Variants in GRID2 observed in about 807,000 individuals in gnomAD.
GRID2 encodes glutamate ionotropic receptor delta type subunit 2, also known as glutamate receptor ionotropic, delta-2.
A neutral mutation model predicts 114.8 loss-of-function variants in GRID2; 33 were observed. The ratio of observed to expected loss-of-function variants is 0.29; its 90% confidence interval spans 0.22 to 0.38. The LOEUF is 0.38. GRID2 is among the 10% of genes least tolerant of loss of function. The pLI is 1.00. For synonymous variants in GRID2, 505 were observed against 449.9 expected (o/e 1.12, Z -1.55); for missense variants, 1,184 against 1,257.7 (o/e 0.94, Z 0.89).
chr4:92,589,988 C>A, intron 1 of GRID2, 143 bp from the exon 2 acceptor site: 1 of 601,924 alleles, frequency 1.7e-6, no homozygotes, highest in South Asian at 2.2e-5. Flanking sequence ...GCTTCCAGTA[C>A]AATGTGTTTC....
chr4:92,719,010 G>T, intron 2 of GRID2, among the ~76,000 whole-genome samples: 1 of 149,514 alleles, frequency 6.7e-6, no homozygotes, highest in African/African-American at 2.5e-5. Context: ...TTTTTAAGAT[G>T]GAGTCTCGCT....
chr4:93,485,819 A>T (rs905193051), intron 11 of GRID2, among the ~76,000 whole-genome samples: 2 of 151,656 alleles, frequency 1.3e-5, no homozygotes, highest in Non-Finnish European at 3.0e-5. Flanking sequence ...TATCTTGGCA[A>T]TTTTTGTACT....
chr4:92,441,722 G>C (rs976215410), intron 1 of GRID2, among the ~76,000 whole-genome samples: 1 of 152,028 alleles, frequency 6.6e-6, no homozygotes, highest in South Asian at 2.1e-4. Flanking sequence ...GGCATTGAGT[G>C]GGGTAAGGGT....
chr4:93,567,739 T>C (rs939470282), intron 13 of GRID2, among the ~76,000 whole-genome samples: 6 of 152,166 alleles, frequency 3.9e-5, no homozygotes, highest in African/African-American at 1.4e-4. Flanking sequence ...CATTCTCCTC[T>C]TGAGACTTAG....
chr4:92,620,668 A>G (rs1730226369), intron 2 of GRID2, among the ~76,000 whole-genome samples: 2 of 151,782 alleles, frequency 1.3e-5, no homozygotes, highest in African/African-American at 2.4e-5. Flanking sequence ...TACTCCTTAC[A>G]TAACACTTTG....
intron 2 of GRID2, among the ~76,000 whole-genome samples, chr4:92,756,934 G>T (rs547399061): frequency 6.6e-6 from 1 of 152,066 alleles, no homozygotes; most frequent in South Asian, 2.1e-4. Context: ...TTTCCTTGCT[G>T]TGCAGAAGGT....
At position 92,890,920 on chromosome 4, in the gene GRID2, A is replaced by C. The variant is rs184015943; in HGVS notation, c.245-194075A>C. ...AAATGTGGCACATATACACCATGGA[A>C]TACTATGCAGCCATAAAATAGGATG... is the stretch of plus-strand genomic sequence containing the variant. On this transcript the variant is annotated intron_variant, in intron 2 of 15. Coordinates refer to ENST00000282020, the MANE Select transcript of GRID2 (RefSeq NM_001510.4). Among the ~76,000 whole-genome samples the C allele has an allele frequency of 1.2e-4, 19 of 152,334 alleles. 1 individual carries two copies. Among genetic ancestry groups the C allele is most frequent in the African/African-American group, 4.3e-4 (18 of 41,576 alleles).
At chr4:93,059,730 A>G (rs1296795672) in intron 2 of GRID2, among the ~76,000 whole-genome samples, 2 of 152,122 alleles carry the variant, frequency 1.3e-5, no homozygotes, top group African/African-American at 2.4e-5. Context: ...TATGCCATAT[A>G]CAAAGATAAA....
chr4:93,621,906 T>A (rs1180123331), intron 13 of GRID2, among the ~76,000 whole-genome samples: 1 of 150,514 alleles, frequency 6.6e-6, no homozygotes, highest in East Asian at 1.9e-4. Context: ...GCAAGGATAA[T>A]GTTACTATAC....
intron 11 of GRID2, among the ~76,000 whole-genome samples, chr4:93,487,403 A>C (rs1489604040): frequency 6.6e-6 from 1 of 151,814 alleles, no homozygotes; most frequent in East Asian, 1.9e-4. Flanking sequence ...ATTGCAGGCT[A>C]TCAGTTTCCT....
intron 2 of GRID2, among the ~76,000 whole-genome samples, chr4:92,671,242 A>G (rs1222104997): frequency 1.4e-5 from 2 of 140,970 alleles, no homozygotes; most frequent in Non-Finnish European, 3.1e-5. Flanking sequence ...AAACAATCAG[A>G]TCTCATGAAA....
At chr4:93,194,964 G>C (rs923169262) in intron 4 of GRID2, among the ~76,000 whole-genome samples, 8 of 152,132 alleles carry the variant, frequency 5.3e-5, no homozygotes, top group African/African-American at 1.7e-4. Context: ...ATTGTGCACA[G>C]CTTTTTAGAA....
intron 1 of GRID2, among the ~76,000 whole-genome samples, chr4:92,407,401 G>A (rs1268548356): frequency 2.0e-5 from 3 of 152,230 alleles, no homozygotes; most frequent in Admixed American, 6.5e-5. Context: ...ATATAGGTGC[G>A]TAGGTCTTTT....
At chr4:92,848,488 G>T (rs140600486) in intron 2 of GRID2, among the ~76,000 whole-genome samples, 23 of 151,998 alleles carry the variant, frequency 1.5e-4, no homozygotes, top group Non-Finnish European at 3.2e-4. Context: ...GAGAGAAATG[G>T]AAGCAACAAA....
At chr4:92,452,179 G>A (rs1720960109) in intron 1 of GRID2, among the ~76,000 whole-genome samples, 1 of 152,090 alleles carries the variant, frequency 6.6e-6, no homozygotes. Flanking sequence ...TGCCCTAACA[G>A]TGAAAGTTTT....
At chr4:92,856,075 T>C (rs1375518151) in intron 2 of GRID2, among the ~76,000 whole-genome samples, 1 of 152,072 alleles carries the variant, frequency 6.6e-6, no homozygotes, top group Non-Finnish European at 1.5e-5. Context: ...GGAATTTTTT[T>C]CCAATTATCC....
chr4:93,560,243 A>AAAAAAAAAAAAAC (rs1734786536), intron 13 of GRID2, among the ~76,000 whole-genome samples: 1 of 149,750 alleles, frequency 6.7e-6, no homozygotes, highest in Admixed American at 6.7e-5. Context: ...AAAAAAAAAA[A>AAAAAAAAAAAAAC]AAAAAAAAAA....
Position 93,431,416 on chromosome 4 carries a change from T to C in GRID2, c.1545+8448T>C, listed in dbSNP as rs200825019. ...AGCTGTCACTTAAGAATTGACAAAA[T>C]AAGAAGAATTTATGAAAAAAAATAA... is the stretch of plus-strand genomic sequence containing the variant. On this transcript the variant is annotated intron_variant, in intron 10 of 15. Coordinates refer to ENST00000282020, the MANE Select transcript of GRID2 (RefSeq NM_001510.4). Among the ~76,000 whole-genome samples the C allele has an allele frequency of 2.0e-5, 3 of 151,812 alleles. No individual in the cohort carries two copies. The East Asian group carries it at 5.8e-4, about 29-fold the overall frequency.
chr4:92,695,461 T>C lies in GRID2; in HGVS notation c.244+105175T>C, dbSNP rs923498701. Among the ~76,000 whole-genome samples the C allele has an allele frequency of 3.3e-5, 5 of 152,206 alleles. 1 individual carries two copies. The highest frequency in any genetic ancestry group is 1.2e-4 in the African/African-American group (5 of 41,546). On this transcript the variant is annotated intron_variant, in intron 2 of 15. Transcript: ENST00000282020. ...TTACCAGAATGAAAATGAAAGAAAT[T>C]CATATTTTATCTGAATAATTTTTAC...
Sources: gnomAD v4.1 joint callset for allele counts (sites outside exome capture counted in the v4.1 genomes callset) on GRCh38, gnomAD v4.1.1 for gene constraint, MANE v1.5 for transcripts, NCBI Gene and HGNC (gene_info 2026-07-23, HGNC 2026-07-21) for gene names.